GRID2: variants seen among roughly 807,000 people sequenced by gnomAD.
GRID2 encodes glutamate ionotropic receptor delta type subunit 2, also known as glutamate receptor ionotropic, delta-2.
Under a neutral mutation model 114.8 loss-of-function variants are expected in GRID2, and 33 were observed. That is an observed-to-expected ratio of 0.29 (90% CI 0.22 to 0.38). The LOEUF is 0.38. Ranked by LOEUF, GRID2 falls within the 10% of genes least tolerant of loss-of-function variation. GRID2 has a pLI of 1.00. For missense variants in GRID2, 1,184 were observed against 1,257.7 expected, an observed-to-expected ratio of 0.94 and a Z score of 0.89; for synonymous variants, 505 against 449.9, an observed-to-expected ratio of 1.12 and a Z score of -1.55.
chr4:93,253,246 ACT>A (rs1221141493), intron 8 of GRID2, among the ~76,000 whole-genome samples: 1 of 151,888 alleles, frequency 6.6e-6, no homozygotes, highest in Non-Finnish European at 1.5e-5. Flanking sequence ...ACAGGGTGAG[ACT>A]CTGTCTAAAA....
At chr4:92,940,855 T>C (rs1191149359) in intron 2 of GRID2, among the ~76,000 whole-genome samples, 1 of 152,232 alleles carries the variant, frequency 6.6e-6, no homozygotes, top group Non-Finnish European at 1.5e-5. Context: ...GTTCTGTTTA[T>C]ATGCTGGATT....
At chr4:92,758,567 G>C (rs1407351477) in intron 2 of GRID2, among the ~76,000 whole-genome samples, 2 of 151,964 alleles carry the variant, frequency 1.3e-5, no homozygotes, top group African/African-American at 4.8e-5. Context: ...ATATATTTGG[G>C]GTAAACAGCT....
intron 2 of GRID2, among the ~76,000 whole-genome samples, chr4:92,946,872 T>C (rs566319047): frequency 3.0e-4 from 46 of 152,034 alleles, no homozygotes; most frequent in Non-Finnish European, 6.0e-4. Context: ...ATTAAGTTCC[T>C]AGGTAATTCT....
At chr4:92,532,436 A>G (rs1238332252) in intron 1 of GRID2, among the ~76,000 whole-genome samples, 3 of 152,202 alleles carry the variant, frequency 2.0e-5, no homozygotes, top group Non-Finnish European at 4.4e-5. Flanking sequence ...TTTACTAAGC[A>G]ACACAACAAC....
chr4:92,823,508 A>G (rs2149389982), intron 2 of GRID2, among the ~76,000 whole-genome samples: 1 of 152,250 alleles, frequency 6.6e-6, no homozygotes, highest in South Asian at 2.1e-4. Context: ...GAAAGGTTGG[A>G]ACCTGGATGG....
intron 14 of GRID2, among the ~76,000 whole-genome samples, chr4:93,745,691 A>T (rs1028213699): frequency 1.3e-5 from 2 of 152,162 alleles, no homozygotes; most frequent in Non-Finnish European, 2.9e-5. Context: ...AAGGACTCAG[A>T]AGCTAAATAT....
intron 2 of GRID2, among the ~76,000 whole-genome samples, chr4:93,041,899 GTTGT>G (rs1725550181): frequency 1.3e-5 from 2 of 151,952 alleles, no homozygotes; most frequent in South Asian, 4.2e-4. Flanking sequence ...TTTTGTTGTT[GTTGT>G]TTGTTTGCTT....
intron 2 of GRID2, among the ~76,000 whole-genome samples, chr4:92,615,936 T>C (rs1729986133): frequency 2.0e-5 from 3 of 151,684 alleles, no homozygotes; most frequent in Admixed American, 6.6e-5. Context: ...TATGCTGTTA[T>C]TGTCTTTATA....
chr4:92,637,485 T>C (rs2149250725), intron 2 of GRID2, among the ~76,000 whole-genome samples: 1 of 152,164 alleles, frequency 6.6e-6, no homozygotes, highest in South Asian at 2.1e-4. Flanking sequence ...GTGAATATAT[T>C]CGTGTCCTTA....
intron 1 of GRID2, among the ~76,000 whole-genome samples, chr4:92,411,780 A>G (rs1328624692): frequency 2.0e-5 from 3 of 150,746 alleles, no homozygotes; most frequent in Non-Finnish European, 4.4e-5. Context: ...ATCTCAGCTC[A>G]CTGCAAGCTC....
At chr4:92,694,310 A>G (rs1172512536) in intron 2 of GRID2, among the ~76,000 whole-genome samples, 2 of 152,136 alleles carry the variant, frequency 1.3e-5, no homozygotes, top group African/African-American at 4.8e-5. Context: ...CCAGGGAGCT[A>G]ATTGAGGTCT....
At chr4:92,698,449 A>G (rs775407901) in intron 2 of GRID2, among the ~76,000 whole-genome samples, 1 of 152,080 alleles carries the variant, frequency 6.6e-6, no homozygotes, top group Non-Finnish European at 1.5e-5. Flanking sequence ...TTAATAACCC[A>G]CTAGAAAATA....
At chr4:92,879,560 C>T (rs1284711798) in intron 2 of GRID2, among the ~76,000 whole-genome samples, 2 of 152,178 alleles carry the variant, frequency 1.3e-5, no homozygotes, top group Non-Finnish European at 2.9e-5. Flanking sequence ...GCCAGAGATC[C>T]CATATACACT....
intron 4 of GRID2, among the ~76,000 whole-genome samples, chr4:93,202,721 T>C (rs1742237874): frequency 6.6e-6 from 1 of 152,024 alleles, no homozygotes; most frequent in South Asian, 2.1e-4. Context: ...TTTATAATAG[T>C]TGTCTTCTGT....
At chr4:93,143,480 T>C (rs2149388459) in intron 4 of GRID2, among the ~76,000 whole-genome samples, 1 of 152,300 alleles carries the variant, frequency 6.6e-6, no homozygotes, top group Middle Eastern at 3.4e-3. Flanking sequence ...TCAATAAAAT[T>C]GTAGAAAAGA....
intron 2 of GRID2, among the ~76,000 whole-genome samples, chr4:92,864,310 G>A: frequency 6.6e-6 from 1 of 152,214 alleles, no homozygotes; most frequent in East Asian, 1.9e-4. Flanking sequence ...GTACTGAATA[G>A]CTTGGCATAT....
intron 14 of GRID2, among the ~76,000 whole-genome samples, chr4:93,748,696 TC>T (rs1430405475): frequency 9.4e-5 from 5 of 53,032 alleles, no homozygotes; most frequent in African/African-American, 3.8e-4. Context: ...TAATTTAGGC[TC>T]CCCAAAAAAA....
intron 2 of GRID2, among the ~76,000 whole-genome samples, chr4:92,612,733 T>C (rs763558095): frequency 9.2e-5 from 14 of 151,494 alleles, no homozygotes; most frequent in Non-Finnish European, 1.9e-4. Context: ...CTTGTAGTTA[T>C]ATTGTTCTTG....
intron 13 of GRID2, among the ~76,000 whole-genome samples, chr4:93,616,719 T>C (rs1741696581): frequency 6.6e-6 from 1 of 151,396 alleles, no homozygotes; most frequent in Non-Finnish European, 1.5e-5. Context: ...CTGGACAAAA[T>C]ATCAGTAAAC....
Sources: allele counts gnomAD v4.1 joint callset (sites outside exome capture counted in the v4.1 genomes callset), GRCh38; gene constraint gnomAD v4.1.1; transcripts MANE v1.5; gene names NCBI Gene and HGNC (gene_info 2026-07-23, HGNC 2026-07-21).